Variants in NXN observed in about 807,000 individuals in gnomAD.
NXN encodes the protein nucleoredoxin 1.
In NXN, 16 loss-of-function variants were observed where a neutral mutation model predicts 48.6. The ratio of observed to expected loss-of-function variants is 0.33; its 90% CI spans 0.22 to 0.50. NXN has a LOEUF of 0.50. Ranked by LOEUF, NXN falls within the 20% of genes least tolerant of loss-of-function variation. The probability of loss-of-function intolerance (pLI) is 0.98; values close to 1 mark genes in which losing one functional copy is unlikely to be tolerated. For synonymous variants in NXN, 281 were observed against 269.6 expected (o/e 1.04, Z -0.41); for missense variants, 492 against 605.5 (o/e 0.81, Z 1.97).
intron 1 of NXN, among the ~76,000 whole-genome samples, chr17:888,701 T>C (rs2068375236): frequency 6.6e-6 from 1 of 151,282 alleles, no homozygotes; most frequent in Non-Finnish European, 1.5e-5. Flanking sequence ...GCACCTGTAA[T>C]CCCAGCACTT....
chr17:893,295 T>A (rs1189020804), intron 1 of NXN, among the ~76,000 whole-genome samples: 4 of 152,176 alleles, frequency 2.6e-5, no homozygotes, highest in Non-Finnish European at 4.4e-5. Context: ...TGGGGGATAA[T>A]CTTTTTAGGG....
chr17:896,855 C>CCGGGGGGGGGGGGGGGGGGGGGG, intron 1 of NXN: 1 of 1,102,006 alleles, frequency 9.1e-7, no homozygotes, highest in Non-Finnish European at 1.2e-6. Flanking sequence ...GCGGTCCTGA[C>CCGGGGGGGGGGGGGGGGGGGGGG]CACCCGCCCC....
intron 1 of NXN, among the ~76,000 whole-genome samples, chr17:969,015 G>A (rs2069340565): frequency 6.6e-6 from 1 of 152,126 alleles, no homozygotes; most frequent in Non-Finnish European, 1.5e-5. Flanking sequence ...CAGGTTCTGT[G>A]ATAGTCTCTA....
At position 864,192 on chromosome 17, in the gene NXN, C is replaced by T. The variant is rs1253850913; in HGVS notation, c.361-38114G>A. 2.8e-6 allele frequency: 4 copies of T among 1,419,960 alleles called. No homozygotes were observed. In the East Asian group the frequency reaches 7.7e-5, roughly 27 times the overall value. 88.0% of individuals were successfully genotyped at this position (1,419,960 alleles called of 1,614,324 possible). On this transcript the variant is annotated intron_variant, in intron 1 of 7. Transcript: ENST00000336868. Reference sequence around the variant, plus strand: ...GGGACGCGTCTGCCGTTGCTCGGTTCCGGTGAAGGGCACAGGATGGGCATT... The same window carrying T: ...GGGACGCGTCTGCCGTTGCTCGGTTTCGGTGAAGGGCACAGGATGGGCATT...
At chr17:846,431 A>G (rs111527850) in intron 1 of NXN, among the ~76,000 whole-genome samples, 7 of 103,312 alleles carry the variant, frequency 6.8e-5, no homozygotes, top group East Asian at 6.6e-4. Context: ...AAAAAAAAAA[A>G]GAAAAGAAAA....
At chr17:943,259 T>C (rs2069000498) in intron 1 of NXN, among the ~76,000 whole-genome samples, 1 of 152,186 alleles carries the variant, frequency 6.6e-6, no homozygotes, top group Non-Finnish European at 1.5e-5. Context: ...TGCATGAAGT[T>C]ACCCAGCGAA....
chr17:947,975 C>T (rs890749242), intron 1 of NXN, among the ~76,000 whole-genome samples: 3 of 151,508 alleles, frequency 2.0e-5, no homozygotes, highest in Non-Finnish European at 2.9e-5. Flanking sequence ...TGCTTAAACC[C>T]GGGAGGCGGA....
chr17:811,112 G>A (rs1911969602), intron 5 of NXN, among the ~76,000 whole-genome samples: 1 of 152,186 alleles, frequency 6.6e-6, no homozygotes, highest in Non-Finnish European at 1.5e-5. Flanking sequence ...AAAGAAGGAG[G>A]CGGAGAAGGC....
rs1175096337 is a variant in NXN, at chr17:827,857, T to G, written c.361-1779A>C. 2.0e-5 allele frequency among the ~76,000 whole-genome samples: 3 copies of G among 152,144 alleles called. No homozygotes were observed. The East Asian group carries it at 5.8e-4, about 30-fold the overall frequency. On this transcript the variant is annotated intron_variant, in intron 1 of 7. Coordinates refer to ENST00000336868, the MANE Select transcript of NXN (RefSeq NM_022463.5). ...AGCAGAGGGAAGAGGGCATTGGTGG[T>G]GGGATGAGGATTGTCCCGAGTTCCA...
intron 1 of NXN, among the ~76,000 whole-genome samples, chr17:873,173 T>G (rs1008494105): frequency 6.6e-6 from 1 of 152,112 alleles, no homozygotes; most frequent in Non-Finnish European, 1.5e-5. Context: ...GCTTCTTAGC[T>G]TCTATAACCA....
At position 928,768 on chromosome 17, in the gene NXN, G is replaced by A. The variant is rs146811866; in HGVS notation, c.360+50551C>T. On this transcript the variant is annotated intron_variant, in intron 1 of 7. Transcript: ENST00000336868. ...GGAGAATCGCTTGAACCCGGGAGGC[G>A]GAGTTTGCAGTGAGCCGAGATCATG... 7.7e-4 allele frequency among the ~76,000 whole-genome samples: 117 copies of A among 152,178 alleles called. 1 individual carries two copies. The East Asian group carries it at 0.017, about 22-fold the overall frequency.
At chr17:853,715 A>AT (rs1567834436) in intron 1 of NXN, among the ~76,000 whole-genome samples, 5 of 92,514 alleles carry the variant, frequency 5.4e-5, no homozygotes, top group South Asian at 3.3e-4. Context: ...ATATATATAT[A>AT]TATATATATT....
chr17:944,043 G>A (rs142631615), intron 1 of NXN, among the ~76,000 whole-genome samples: 7,524 of 152,018 alleles, frequency 0.049, 345 homozygotes, highest in East Asian at 0.25. Context: ...TTCGAGACCA[G>A]CCTGGCCAAC....
intron 1 of NXN, among the ~76,000 whole-genome samples, chr17:876,489 C>T (rs1183426278): frequency 6.6e-6 from 1 of 152,136 alleles, no homozygotes; most frequent in Non-Finnish European, 1.5e-5. Flanking sequence ...GCTAGGCGTC[C>T]TTTGCTCTAA....
At chr17:905,776 A>C (rs767628260) in intron 1 of NXN, among the ~76,000 whole-genome samples, 3 of 152,134 alleles carry the variant, frequency 2.0e-5, no homozygotes, top group South Asian at 4.1e-4. Context: ...CAGGAGTTTG[A>C]GATCAGCCTG....
At chr17:847,298 C>A (rs2067875064) in intron 1 of NXN, among the ~76,000 whole-genome samples, 1 of 151,960 alleles carries the variant, frequency 6.6e-6, no homozygotes, top group Non-Finnish European at 1.5e-5. Flanking sequence ...CAGTTATAAA[C>A]CCCGTGTTGA....
In NXN at chr17:944,413, C is replaced by T. The variant is rs139986849; in HGVS notation, c.360+34906G>A. Among the ~76,000 whole-genome samples, 698 of 152,264 alleles carry T rather than the reference C, an allele frequency of 4.6e-3. 6 individuals carry two copies. The highest frequency in any genetic ancestry group is 7.3e-3 in the Non-Finnish European group (496 of 68,018). The stretch of plus-strand genomic sequence containing the variant: ...AGCTGAAGGTTTCCGCAGGTCCGTA[C>T]CCCCGTCCGAGGACTGCCTCCAACT... On this transcript the variant is annotated intron_variant, in intron 1 of 7. Coordinates refer to ENST00000336868, the MANE Select transcript of NXN (RefSeq NM_022463.5).
chr17:810,293 C>A (rs79745216), intron 5 of NXN, among the ~76,000 whole-genome samples: 5 of 83,766 alleles, frequency 6.0e-5, no homozygotes, highest in African/African-American at 1.9e-4. Flanking sequence ...GTGGCGTGCA[C>A]GTTACGAGTC....
At chr17:821,980 C>T (rs926590613) in intron 4 of NXN, among the ~76,000 whole-genome samples, 23 of 151,986 alleles carry the variant, frequency 1.5e-4, no homozygotes, top group Non-Finnish European at 2.5e-4. Flanking sequence ...CCCCTTCAGA[C>T]GATTAAAGGA....
Sources: allele counts gnomAD v4.1 joint callset (sites outside exome capture counted in the v4.1 genomes callset), GRCh38; gene constraint gnomAD v4.1.1; transcripts MANE v1.5; gene names NCBI Gene and HGNC (gene_info 2026-07-23, HGNC 2026-07-21).